The following DPP10 variants were observed in gnomAD, a reference collection of about 807,000 sequenced individuals.
The protein encoded by DPP10 is inactive dipeptidyl peptidase 10.
A neutral mutation model predicts 120.9 loss-of-function variants in DPP10; 33 were observed. The observed-to-expected ratio is 0.27, with a 90% CI of 0.21 to 0.37. The LOEUF (loss-of-function observed/expected upper bound fraction) is 0.37, where lower values mean the gene tolerates loss of function less well. Ranked by LOEUF, DPP10 falls within the 10% of genes least tolerant of loss-of-function variation. The probability of loss-of-function intolerance (pLI) is 1.00; values close to 1 mark genes in which losing one functional copy is unlikely to be tolerated. For missense variants in DPP10, 816 were observed against 942.8 expected (o/e 0.87, Z 1.76); for synonymous variants, 337 against 326.1 (o/e 1.03, Z -0.36).
intron 3 of DPP10, among the ~76,000 whole-genome samples, chr2:115,387,171 C>G (rs1459858699): frequency 1.3e-5 from 2 of 152,018 alleles, no homozygotes; most frequent in Non-Finnish European, 2.9e-5. Flanking sequence ...GGAGGCTGAC[C>G]CCTTCACCTG....
chr2:115,108,713 A>G (rs941736373), intron 1 of DPP10, among the ~76,000 whole-genome samples: 1 of 152,170 alleles, frequency 6.6e-6, no homozygotes, highest in African/African-American at 2.4e-5. Context: ...ATTACCTATT[A>G]TTTCATTCCT....
intron 4 of DPP10, among the ~76,000 whole-genome samples, chr2:115,505,017 A>AT (rs1398690124): frequency 1.3e-5 from 2 of 152,014 alleles, no homozygotes; most frequent in African/African-American, 2.4e-5. Context: ...CTACATTATT[A>AT]TTTTTTACCC....
intron 1 of DPP10, among the ~76,000 whole-genome samples, chr2:114,632,328 A>G (rs1299724707): frequency 2.6e-5 from 4 of 151,970 alleles, no homozygotes; most frequent in Non-Finnish European, 5.9e-5. Flanking sequence ...TGGTTTTAGC[A>G]CTCATTAATG....
chr2:114,568,760 G>A (rs1333777583), intron 1 of DPP10, among the ~76,000 whole-genome samples: 1 of 152,170 alleles, frequency 6.6e-6, no homozygotes, highest in Non-Finnish European at 1.5e-5. Context: ...ATTCGCCTTT[G>A]CTGTAGGTGT....
chr2:115,384,573 A>G (rs867877957), intron 3 of DPP10, among the ~76,000 whole-genome samples: 4 of 122,660 alleles, frequency 3.3e-5, no homozygotes, highest in South Asian at 5.5e-4. Flanking sequence ...AAGAAGAAGA[A>G]GAGGAAGAGG....
intron 5 of DPP10, among the ~76,000 whole-genome samples, chr2:115,603,197 T>C (rs1360301507): frequency 1.3e-5 from 2 of 151,194 alleles, no homozygotes; most frequent in East Asian, 3.9e-4. Context: ...GAATGTGTTC[T>C]TTGGAGAAAA....
intron 1 of DPP10, among the ~76,000 whole-genome samples, chr2:114,501,030 T>G (rs1451530077): frequency 1.3e-5 from 2 of 152,274 alleles, no homozygotes; most frequent in African/African-American, 2.4e-5. Flanking sequence ...GAAACTATAG[T>G]TACAAAGATG....
At chr2:114,669,383 T>C (rs1159701304) in intron 1 of DPP10, among the ~76,000 whole-genome samples, 1 of 152,164 alleles carries the variant, frequency 6.6e-6, no homozygotes, top group East Asian at 1.9e-4. Flanking sequence ...AGTGTACATG[T>C]ATGTTTCTAT....
At chr2:115,627,477 C>T (rs2085458608) in intron 5 of DPP10, among the ~76,000 whole-genome samples, 1 of 152,114 alleles carries the variant, frequency 6.6e-6, no homozygotes, top group African/African-American at 2.4e-5. Flanking sequence ...GGCCCCAGTA[C>T]TCATGGGAGG....
intron 1 of DPP10, among the ~76,000 whole-genome samples, chr2:114,944,619 G>A (rs1697210959): frequency 6.6e-6 from 1 of 152,126 alleles, no homozygotes; most frequent in Non-Finnish European, 1.5e-5. Flanking sequence ...CCTTAGGACA[G>A]TGTTAAAGAC....
At chr2:115,434,478 T>C (rs572505126) in intron 3 of DPP10, among the ~76,000 whole-genome samples, 1 of 152,082 alleles carries the variant, frequency 6.6e-6, no homozygotes, top group East Asian at 1.9e-4. Context: ...AATAAATGCA[T>C]GCACAGCATA....
At chr2:115,373,006 A>G (rs1051259612) in intron 3 of DPP10, among the ~76,000 whole-genome samples, 2 of 152,228 alleles carry the variant, frequency 1.3e-5, no homozygotes, top group Non-Finnish European at 2.9e-5. Context: ...AATATTATGC[A>G]CAATTACAAT....
chr2:115,382,291 G>A (rs1175869029), intron 3 of DPP10, among the ~76,000 whole-genome samples: 1 of 152,146 alleles, frequency 6.6e-6, no homozygotes, highest in Non-Finnish European at 1.5e-5. Flanking sequence ...TTGGAAAAGT[G>A]CAGTATTAGG....
At chr2:115,420,251 C>G (rs949584849) in intron 3 of DPP10, among the ~76,000 whole-genome samples, 5 of 152,084 alleles carry the variant, frequency 3.3e-5, no homozygotes, top group African/African-American at 1.2e-4. Context: ...GACCTTTGGA[C>G]AAAGGATGAG....
At chr2:115,225,796 T>C (rs2057406335) in intron 1 of DPP10, among the ~76,000 whole-genome samples, 1 of 152,066 alleles carries the variant, frequency 6.6e-6, no homozygotes, top group African/African-American at 2.4e-5. Flanking sequence ...GGAAAAAAAT[T>C]GAAAAAGATT....
intron 1 of DPP10, among the ~76,000 whole-genome samples, chr2:114,726,234 TAAA>T (rs66544851): frequency 5.3e-5 from 6 of 113,852 alleles, no homozygotes; most frequent in Non-Finnish European, 3.7e-5. Flanking sequence ...AGACTACGTC[TAAA>T]AAAAAAAAAA....
chr2:115,811,778 T>C (rs955738361), intron 19 of DPP10, among the ~76,000 whole-genome samples: 1 of 152,144 alleles, frequency 6.6e-6, no homozygotes, highest in African/African-American at 2.4e-5. Flanking sequence ...ATTTCATTGG[T>C]CCATCTAGAA....
chr2:115,727,714 A>G (rs1483623065), intron 7 of DPP10, 102 bp from the exon 8 acceptor site: 1 of 1,302,902 alleles, frequency 7.7e-7, no homozygotes, highest in Non-Finnish European at 1.0e-6. Flanking sequence ...AAGCCCGTAA[A>G]TAATACAACA....
chr2:115,754,307 C>A (rs1189291210), intron 11 of DPP10, among the ~76,000 whole-genome samples: 3 of 152,040 alleles, frequency 2.0e-5, no homozygotes, highest in African/African-American at 7.2e-5. Context: ...TGGAGAGGAC[C>A]CCTTAAGTAT....
Sources: gnomAD v4.1 joint callset for allele counts (sites outside exome capture counted in the v4.1 genomes callset) on GRCh38, gnomAD v4.1.1 for gene constraint, MANE v1.5 for transcripts, NCBI Gene and HGNC (gene_info 2026-07-23, HGNC 2026-07-21) for gene names.